The following AGAP1 variants were observed in gnomAD, a reference collection of about 807,000 sequenced individuals.
AGAP1 encodes the protein ArfGAP with GTPase domain, ankyrin repeat and PH domain 1.
Under a neutral mutation model 105.3 loss-of-function variants are expected in AGAP1, and 29 were observed. The observed-to-expected ratio is 0.28, with a 90% CI of 0.21 to 0.38. The LOEUF is 0.38. AGAP1 is among the 10% of genes least tolerant of loss of function. AGAP1 has a pLI of 1.00. For missense variants in AGAP1, 998 were observed against 1,165.1 expected (o/e 0.86, Z 2.09); for synonymous variants, 509 against 485.9 (o/e 1.05, Z -0.63).
chr2:235,884,596 G>T (rs1331246453), intron 10 of AGAP1, among the ~76,000 whole-genome samples: 2 of 151,644 alleles, frequency 1.3e-5, no homozygotes, highest in African/African-American at 2.4e-5. Flanking sequence ...AATTACAGGT[G>T]CCTGCCACCA....
At chr2:235,849,605 T>G (rs538515348) in intron 9 of AGAP1, among the ~76,000 whole-genome samples, 45 of 152,002 alleles carry the variant, frequency 3.0e-4, no homozygotes, top group Admixed American at 2.8e-3. Flanking sequence ...CGCTCAGAGC[T>G]CAGCCTCTGC....
chr2:235,933,606 C>T (rs999345748), intron 12 of AGAP1, among the ~76,000 whole-genome samples: 1 of 150,470 alleles, frequency 6.6e-6, no homozygotes, highest in Non-Finnish European at 1.5e-5. Flanking sequence ...GACCCCGGCT[C>T]ACTGCAACCT....
At chr2:235,873,792 A>G (rs968921506) in intron 9 of AGAP1, among the ~76,000 whole-genome samples, 5 of 152,352 alleles carry the variant, frequency 3.3e-5, no homozygotes, top group South Asian at 2.1e-4. Context: ...CAGTGGCACA[A>G]TCACGACTCA....
Position 235,989,836 on chromosome 2 carries a change from C to T in AGAP1, c.1645+21213C>T, listed in dbSNP as rs910982258. 2.0e-5 allele frequency among the ~76,000 whole-genome samples: 3 copies of T among 152,028 alleles called. No homozygotes were observed. The highest frequency in any genetic ancestry group is 4.8e-5 in the African/African-American group (2 of 41,378). On this transcript the variant is annotated intron_variant, in intron 13 of 17. Transcript: ENST00000304032. This position sits in a 1 kb window ranked among gnomAD's most constrained non-coding sequence, Gnocchi z 4.4. ...AGCAGCTCACAGGGAGGGACAGCCT[C>T]GGAAGAGGAAATCCATGCGTCTTCC...
intron 13 of AGAP1, among the ~76,000 whole-genome samples, chr2:236,028,385 C>T (rs561638202): frequency 2.6e-5 from 4 of 152,230 alleles, no homozygotes; most frequent in East Asian, 1.9e-4. Context: ...TGAGTGGCTG[C>T]GGATACCAAG....
rs1373771626 is a variant in AGAP1, at chr2:235,893,189, T to C, written c.1155+9740T>C. 2.0e-5 allele frequency among the ~76,000 whole-genome samples: 3 copies of C among 150,916 alleles called. No individual in the cohort carries two copies. Among genetic ancestry groups the C allele is most frequent in the Non-Finnish European group, 4.4e-5 (3 of 67,826 alleles). On this transcript the variant is annotated intron_variant, in intron 10 of 17. Transcript: ENST00000304032. This position sits in a 1 kb window ranked among gnomAD's most constrained non-coding sequence, Gnocchi z 4.7. The stretch of plus-strand genomic sequence containing the variant: ...GGGAGCGCTGTGTCTTTGGCGCGGG[T>C]GTGGCGTGGGTGTGCCATGTCCATC...
chr2:235,645,207 G>GTCTTGGCCTTCA (rs1343598702), intron 1 of AGAP1, among the ~76,000 whole-genome samples: 1 of 152,096 alleles, frequency 6.6e-6, no homozygotes, highest in Admixed American at 6.6e-5. Context: ...AGGTGTAAGA[G>GTCTTGGCCTTCA]TTCTAATCTT....
intron 4 of AGAP1, among the ~76,000 whole-genome samples, chr2:235,742,044 C>G (rs989164190): frequency 6.6e-6 from 1 of 152,182 alleles, no homozygotes; most frequent in African/African-American, 2.4e-5. Context: ...TGAGCCACCG[C>G]GCCCGACCCA....
chr2:236,075,307 A>G (rs762665041), intron 16 of AGAP1, among the ~76,000 whole-genome samples: 1 of 152,110 alleles, frequency 6.6e-6, no homozygotes, highest in Non-Finnish European at 1.5e-5. Context: ...AGATTTTATG[A>G]TATGTAAATT....
At position 235,837,558 on chromosome 2, in the gene AGAP1, C is replaced by T. The variant is rs1960312409; in HGVS notation, c.1050+30227C>T. Among the ~76,000 whole-genome samples the T allele has an allele frequency of 2.0e-5, 3 of 152,244 alleles. No homozygotes were observed. The South Asian group carries it at 6.2e-4, about 32-fold the overall frequency. On this transcript the variant is annotated intron_variant, in intron 9 of 17. Transcript: ENST00000304032. The stretch of plus-strand genomic sequence containing the variant: ...TAGACCTCTTGAACCTCAGTTAACT[C>T]AGGTGCAGAATGAGGATGATAGAAC...
intron 1 of AGAP1, among the ~76,000 whole-genome samples, chr2:235,508,466 G>A (rs1036461828): frequency 2.6e-5 from 4 of 152,176 alleles, no homozygotes; most frequent in Admixed American, 6.5e-5. Flanking sequence ...TTCACGCTCG[G>A]TTTTTTACTC....
In AGAP1 at chr2:235,919,948, G is replaced by A. The variant is rs116023743; in HGVS notation, c.1325-10817G>A. ...GATGGCGCTCTCCATAAACACTGTC[G>A]GAATCTGGAGCAGCACGTGTTCCTT... On this transcript the variant is annotated intron_variant, in intron 11 of 17. Coordinates refer to ENST00000304032, the MANE Select transcript of AGAP1 (RefSeq NM_001037131.3). This position sits in a 1 kb window ranked among gnomAD's most constrained non-coding sequence, Gnocchi z 4.1. 3.7e-4 allele frequency among the ~76,000 whole-genome samples: 57 copies of A among 152,276 alleles called. No individual in the cohort carries two copies. Among genetic ancestry groups the A allele is most frequent in the African/African-American group, 1.0e-3 (43 of 41,566 alleles).
chr2:236,112,502 C>T (rs1384095312), intron 16 of AGAP1, among the ~76,000 whole-genome samples: 1 of 152,190 alleles, frequency 6.6e-6, no homozygotes, highest in Non-Finnish European at 1.5e-5. Flanking sequence ...AAATGCTTCT[C>T]TCCATCCCCC....
At position 235,792,269 on chromosome 2, in the gene AGAP1, GC is replaced by G. The variant is rs971389107; in HGVS notation, c.674-5485del. On this transcript the variant is annotated intron_variant, in intron 6 of 17. Coordinates refer to ENST00000304032, the MANE Select transcript of AGAP1 (RefSeq NM_001037131.3). The surrounding 1 kb of genome is among the most constrained non-coding windows in gnomAD (Gnocchi z 5.3). ...TTCTCTGTGTCTTCCTTAGTTCTCT[GC>G]CCCCACTTTTCCCCACCCTTCACGT... Among the ~76,000 whole-genome samples, 6 of 152,016 alleles carry G rather than the reference GC, an allele frequency of 3.9e-5. No individual in the cohort carries two copies. Among genetic ancestry groups the G allele is most frequent in the African/African-American group, 1.4e-4 (6 of 41,384 alleles).
chr2:235,835,314 G>T (rs1175336687), intron 9 of AGAP1, among the ~76,000 whole-genome samples: 1 of 152,208 alleles, frequency 6.6e-6, no homozygotes, highest in South Asian at 2.1e-4. Flanking sequence ...TCTGGTCTCA[G>T]ATAGTCTCCC....
chr2:235,519,428 C>A (rs1574748318), intron 1 of AGAP1, among the ~76,000 whole-genome samples: 1 of 151,984 alleles, frequency 6.6e-6, no homozygotes, highest in Admixed American at 6.6e-5. Flanking sequence ...GATATAATTC[C>A]TGATATATAG....
intron 1 of AGAP1, among the ~76,000 whole-genome samples, chr2:235,542,227 C>G (rs35262816): frequency 0.16 from 24,398 of 151,082 alleles, 2,347 homozygotes; most frequent in East Asian, 0.31. Flanking sequence ...CGGGGGGGGG[C>G]CAGTTGTCAG....
At chr2:235,937,516 A>G (rs2053049883) in intron 12 of AGAP1, among the ~76,000 whole-genome samples, 1 of 152,378 alleles carries the variant, frequency 6.6e-6, no homozygotes, top group Admixed American at 6.5e-5. Context: ...GAACAGGGGC[A>G]GCACATTTCA....
chr2:235,635,177 G>A lies in AGAP1; in HGVS notation c.164-74002G>A, dbSNP rs1946955542. ...GGACTTAGAGACAGGCGTCCTGAGT[G>A]TTGATGCCAGCCTTACCCTGACCCT... On this transcript the variant is annotated intron_variant, in intron 1 of 17. Transcript: ENST00000304032. The surrounding 1 kb of genome is among the most constrained non-coding windows in gnomAD (Gnocchi z 5.3). Among the ~76,000 whole-genome samples, 1 of 152,194 alleles carries A rather than the reference G, an allele frequency of 6.6e-6. No homozygotes were observed. The highest frequency in any genetic ancestry group is 6.5e-5 in the Admixed American group (1 of 15,272).
Sources: allele counts gnomAD v4.1 joint callset (sites outside exome capture counted in the v4.1 genomes callset), GRCh38; gene constraint gnomAD v4.1.1; non-coding constraint Gnocchi (gnomAD v3.1); transcripts MANE v1.5; gene names NCBI Gene and HGNC (gene_info 2026-07-23, HGNC 2026-07-21).